The following SYNE1 variants were observed in gnomAD, a reference collection of about 807,000 sequenced individuals.
SYNE1 encodes spectrin repeat containing nuclear envelope protein 1.
In SYNE1, 616 loss-of-function variants were observed where a neutral mutation model predicts 1,111.0. The observed-to-expected ratio is 0.55, with a 90% CI of 0.52 to 0.59. The LOEUF is 0.59. Ranked by LOEUF, SYNE1 falls within the 20% of genes least tolerant of loss-of-function variation. SYNE1 has a pLI of 0.00. For synonymous variants in SYNE1, 3,855 were observed against 3,825.8 expected (o/e 1.01, Z -0.28); for missense variants, 10,006 against 10,417.0 (o/e 0.96, Z 1.72).
intron 13 of SYNE1, among the ~76,000 whole-genome samples, chr6:152,484,038 C>CAAAAAAAAAAA (rs773019397): frequency 0.029 from 1,524 of 53,448 alleles, 119 homozygotes; most frequent in Middle Eastern, 0.059. Flanking sequence ...CTCATCTCTA[C>CAAAAAAAAAAA]AAAAAAAAAA....
Position 152,172,576 on chromosome 6 carries a change from G to A in SYNE1, c.23627+3818C>T, listed in dbSNP as rs1216212481. ...GAAATGTTACTAATTCGTTGTCTGTGATAAGAAACATTGAAGAATTAATAC... is the reference window on the plus strand; with the variant it reads ...GAAATGTTACTAATTCGTTGTCTGTAATAAGAAACATTGAAGAATTAATAC... On this transcript the variant is annotated intron_variant, in intron 130 of 145. Coordinates refer to ENST00000367255, the MANE Select transcript of SYNE1 (RefSeq NM_182961.4). Among the ~76,000 whole-genome samples the A allele has an allele frequency of 2.6e-5, 4 of 152,300 alleles. No individual in the cohort carries two copies. The South Asian group carries it at 6.2e-4, about 24-fold the overall frequency.
At chr6:152,503,204 A>G (rs1331991074) in intron 9 of SYNE1, among the ~76,000 whole-genome samples, 1 of 152,170 alleles carries the variant, frequency 6.6e-6, no homozygotes, top group East Asian at 1.9e-4. Flanking sequence ...CACACACTAT[A>G]TATGGCCAAA....
chr6:152,311,201 C>T, intron 87 of SYNE1: 1 of 344,900 alleles, frequency 2.9e-6, no homozygotes, highest in Non-Finnish European at 5.4e-6. Flanking sequence ...AAAACCCAAA[C>T]ATACTAGGTG....
At chr6:152,359,224 T>C (rs1171452494) in intron 65 of SYNE1, 91 bp downstream of exon 65, 7 of 1,564,298 alleles carry the variant, frequency 4.5e-6, no homozygotes, top group Non-Finnish European at 6.2e-6. Context: ...TTCCCAAGCC[T>C]GTCATTCTTG....
At chr6:152,496,654 C>T (rs909494686) in intron 11 of SYNE1, among the ~76,000 whole-genome samples, 10 of 152,124 alleles carry the variant, frequency 6.6e-5, no homozygotes, top group East Asian at 1.9e-4. Context: ...CAATCCTGCT[C>T]GAAGCAGCTC....
chr6:152,433,842 A>G lies in SYNE1; in HGVS notation c.4414T>C (p.Leu1472=), dbSNP rs761174340. The G allele has an allele frequency of 6.2e-7, 1 of 1,613,902 alleles. No individual in the cohort carries two copies. Among genetic ancestry groups the G allele is most frequent in the Non-Finnish European group, 8.5e-7 (1 of 1,179,824 alleles). The change falls in exon 34 of 146, where the codon TTG becomes CTG. Residue 1472 remains leucine (L), a synonymous_variant. Transcript: ENST00000367255. ...ITEKEKELNA[L]ETSSSAMDMQ... ...TCCATGGCAGATGACGAAGTTTCCA[A>G]GGCATTGAGTTCTTTTTCTTTCTCA...
chr6:152,125,078 A>G lies in SYNE1; in HGVS notation c.26154-2402T>C, dbSNP rs528382123. Among the ~76,000 whole-genome samples, 4 of 152,342 alleles carry G rather than the reference A, an allele frequency of 2.6e-5. No homozygotes were observed. In the South Asian group the frequency reaches 6.2e-4, roughly 24 times the overall value. ...CAGAAGATTTCAACCCTGTGATTTT[A>G]ACTACCAGAACCTGGAGACTCTAGA... is the stretch of plus-strand genomic sequence containing the variant. On this transcript the variant is annotated intron_variant, in intron 145 of 145. Transcript: ENST00000367255.
At chr6:152,169,394 C>T (rs35176748) in intron 130 of SYNE1, among the ~76,000 whole-genome samples, 2 of 151,556 alleles carry the variant, frequency 1.3e-5, no homozygotes, top group African/African-American at 4.8e-5. Flanking sequence ...AACCCTGTCT[C>T]TACTAAAAAT....
rs372524102 is a variant in SYNE1 at position 152,401,183 on chromosome 6, C to T, written c.6984G>A (p.Met2328Ile). ...CACAAGTCTCATTTTGGGCACAGTTCATCAACGATTCTTCCACTTTTGTGA... is the reference window on the plus strand; with the variant it reads ...CACAAGTCTCATTTTGGGCACAGTTTATCAACGATTCTTCCACTTTTGTGA... ...TWFTKVEESL[M>I]NCAQNETCEA... Residue 2328 changes from methionine to isoleucine, a missense_variant, in exon 47 of 146, where the codon ATG (methionine) becomes ATA (isoleucine). Physicochemically the swap from Met to Ile is conservative, Grantham distance 10. This residue lies in a region of SYNE1 where 4,955 missense variants were observed against 5,017.2 expected (regional missense o/e 0.99). Transcript: ENST00000367255. 1.7e-5 allele frequency: 28 copies of T among 1,614,010 alleles called. No individual in the cohort carries two copies. Among genetic ancestry groups the T allele is most frequent in the Non-Finnish European group, 2.2e-5 (26 of 1,180,018 alleles).
chr6:152,486,477 G>A (rs2098941153), intron 12 of SYNE1, among the ~76,000 whole-genome samples: 1 of 152,260 alleles, frequency 6.6e-6, no homozygotes, highest in East Asian at 1.9e-4. Flanking sequence ...GTTTTCCTAA[G>A]CCTTTGTTTC....
chr6:152,607,109 C>G (rs1170198857), intron 3 of SYNE1, among the ~76,000 whole-genome samples: 2 of 151,250 alleles, frequency 1.3e-5, no homozygotes, highest in East Asian at 2.0e-4. Flanking sequence ...CTCAGCCCCC[C>G]CAGTAGGTGG....
intron 131 of SYNE1, among the ~76,000 whole-genome samples, chr6:152,158,265 T>G (rs1293374597): frequency 1.3e-5 from 2 of 152,202 alleles, no homozygotes; most frequent in African/African-American, 4.8e-5. Flanking sequence ...CCAGTATCAT[T>G]TTTTGTTTAC....
chr6:152,286,367 A>G (rs538378938), intron 95 of SYNE1, among the ~76,000 whole-genome samples: 1 of 152,292 alleles, frequency 6.6e-6, no homozygotes, highest in East Asian at 1.9e-4. Flanking sequence ...TTTGAGCTTT[A>G]TAGAAATGGA....
chr6:152,157,978 G>A (rs2061703297), intron 131 of SYNE1, among the ~76,000 whole-genome samples: 1 of 151,914 alleles, frequency 6.6e-6, no homozygotes, highest in Non-Finnish European at 1.5e-5. Context: ...AGGCTGGTCT[G>A]GAACTCCTGA....
Position 152,293,490 on chromosome 6 carries a change from A to C in SYNE1, c.18012+98T>G, listed in dbSNP as rs907633774. The C allele has an allele frequency of 2.4e-5, 34 of 1,423,792 alleles. No individual in the cohort carries two copies. The African/African-American group carries it at 4.2e-4, about 18-fold the overall frequency. The allele number at this position is 1,423,792 out of a possible 1,614,324, so 88.2% of individuals were successfully genotyped here. ...TGATAAGGTTAAAAAATTTTTAAAA[A>C]GTCACCTGGCTGTCTCAAACACATG... On this transcript the variant is annotated intron_variant, in intron 95 of 145. Coordinates refer to ENST00000367255, the MANE Select transcript of SYNE1 (RefSeq NM_182961.4).
intron 136 of SYNE1, among the ~76,000 whole-genome samples, chr6:152,149,227 C>T (rs1435692513): frequency 6.6e-6 from 1 of 152,140 alleles, no homozygotes; most frequent in Non-Finnish European, 1.5e-5. Flanking sequence ...TCATCTAATG[C>T]TCAAAACAAT....
At chr6:152,384,835 G>C (rs369503095) in intron 55 of SYNE1, among the ~76,000 whole-genome samples, 1 of 151,270 alleles carries the variant, frequency 6.6e-6, no homozygotes, top group Admixed American at 6.6e-5. Context: ...AGCCAAGATC[G>C]TGCCACTGCA....
Position 152,257,831 on chromosome 6 carries a change from A to C in SYNE1, c.18973-1066T>G, listed in dbSNP as rs548506933. On this transcript the variant is annotated intron_variant, in intron 101 of 145. Coordinates refer to ENST00000367255, the MANE Select transcript of SYNE1 (RefSeq NM_182961.4). Reference sequence around the variant, plus strand: ...CCTGAAGCAGAGATATAATAAATATAGCATAAAATACATCTAAATCATGCC... The same window carrying C: ...CCTGAAGCAGAGATATAATAAATATCGCATAAAATACATCTAAATCATGCC... 5.3e-5 allele frequency among the ~76,000 whole-genome samples: 8 copies of C among 152,324 alleles called. No homozygotes were observed. The South Asian group carries it at 1.7e-3, about 32-fold the overall frequency.
intron 112 of SYNE1, among the ~76,000 whole-genome samples, chr6:152,232,819 G>C (rs1041660816): frequency 6.6e-6 from 1 of 152,186 alleles, no homozygotes; most frequent in African/African-American, 2.4e-5. Flanking sequence ...TTATGCATAT[G>C]TGTATTACGA....
Sources: allele counts gnomAD v4.1 joint callset (sites outside exome capture counted in the v4.1 genomes callset), GRCh38; gene constraint gnomAD v4.1.1; regional missense constraint gnomAD v4.1.1; transcripts MANE v1.5; gene names NCBI Gene and HGNC (gene_info 2026-07-23, HGNC 2026-07-21).